The following GJC1 variants were observed in gnomAD, a reference collection of about 807,000 sequenced individuals.
GJC1 encodes the protein gap junction gamma-1 protein.
Under a neutral mutation model 29.3 loss-of-function variants are expected in GJC1, and 5 were observed. The ratio of observed to expected loss-of-function variants is 0.17; its 90% CI spans 0.09 to 0.36. The LOEUF (loss-of-function observed/expected upper bound fraction) is 0.36. Ranked by LOEUF, GJC1 falls within the 10% of genes least tolerant of loss-of-function variation. GJC1 has a pLI of 1.00. For missense variants in GJC1, 310 were observed against 496.2 expected, an observed-to-expected ratio of 0.62 and a Z score of 3.56; for synonymous variants, 177 against 183.3, an observed-to-expected ratio of 0.97 and a Z score of 0.28.
intron 1 of GJC1, among the ~76,000 whole-genome samples, chr17:44,826,924 C>T (rs1231452476): frequency 6.6e-6 from 1 of 152,176 alleles, no homozygotes; most frequent in Non-Finnish European, 1.5e-5. Flanking sequence ...ATATTAACAG[C>T]TCAGAACTGT....
At chr17:44,817,520 G>A (rs1405584916) in intron 1 of GJC1, among the ~76,000 whole-genome samples, 1 of 151,674 alleles carries the variant, frequency 6.6e-6, no homozygotes, top group Non-Finnish European at 1.5e-5. Flanking sequence ...AGACCAGCCT[G>A]ACCAAGATGG....
In GJC1 at chr17:44,804,521, T is replaced by C; in HGVS notation, c.*106A>G. On this transcript the variant is annotated 3_prime_UTR_variant, in exon 3 of 3. Coordinates refer to ENST00000592524, the MANE Select transcript of GJC1 (RefSeq NM_005497.4). The stretch of plus-strand genomic sequence containing the variant: ...GAGCTTGGATCATGAGCCAACAGCA[T>C]CCCTGAAGATAACCAGAGCCAAATG... The C allele has an allele frequency of 1.1e-6, 1 of 895,966 alleles. No homozygotes were observed. Among genetic ancestry groups the C allele is most frequent in the Non-Finnish European group, 1.7e-6 (1 of 572,776 alleles). The allele number at this position is 895,966 out of a possible 1,614,324, so 55.5% of individuals were successfully genotyped here. A position where few individuals can be genotyped will look rare whatever the true frequency, so the allele number is the denominator to read the frequency against.
At chr17:44,809,015 G>A (rs982432639) in intron 1 of GJC1, among the ~76,000 whole-genome samples, 10 of 152,204 alleles carry the variant, frequency 6.6e-5, no homozygotes, top group Non-Finnish European at 1.5e-4. Context: ...GGGAGGTGGA[G>A]GTTGCGGTGA....
At chr17:44,810,594 C>T (rs1032342353) in intron 1 of GJC1, among the ~76,000 whole-genome samples, 1 of 152,080 alleles carries the variant, frequency 6.6e-6, no homozygotes, top group Admixed American at 6.6e-5. Flanking sequence ...ACGGTCTATG[C>T]TCTTGACCAC....
Position 44,804,441 on chromosome 17 carries a change from G to C in GJC1, c.*186C>G, listed in dbSNP as rs1236199529. 5.2e-6 allele frequency: 3 copies of C among 575,776 alleles called. No individual in the cohort carries two copies. The highest frequency in any genetic ancestry group is 9.2e-6 in the Non-Finnish European group (3 of 324,838). The allele number at this position is 575,776 out of a possible 1,614,324, so 35.7% of individuals were successfully genotyped here. A position where few individuals can be genotyped will look rare whatever the true frequency, so the allele number is the denominator to read the frequency against. ...ATTATTGCTAAGAACATGTGCCTGG[G>C]AACACTGTGTTTCCCTTTCTCTCCC... On this transcript the variant is annotated 3_prime_UTR_variant, in exon 3 of 3. Transcript: ENST00000592524.
rs1032273714 is a variant in GJC1 at position 44,799,784 on chromosome 17, G to T, written c.*4843C>A. The T allele has an allele frequency of 2.6e-5, 4 of 152,188 alleles. No individual in the cohort carries two copies. Among genetic ancestry groups the T allele is most frequent in the Non-Finnish European group, 5.9e-5 (4 of 68,100 alleles). The allele number at this position is 152,188 out of a possible 1,614,324, so 9.4% of individuals were successfully genotyped here. On this transcript the variant is annotated 3_prime_UTR_variant, in exon 3 of 3. Coordinates refer to ENST00000592524, the MANE Select transcript of GJC1 (RefSeq NM_005497.4). ...AAAATACAAAAATTAGCCAGGTGTG[G>T]TGGTGAGCACTTGCAGACCAGCTAC...
chr17:44,809,079 TCAAAA>T (rs1004414864), intron 1 of GJC1, among the ~76,000 whole-genome samples: 36 of 150,392 alleles, frequency 2.4e-4, no homozygotes, highest in Middle Eastern at 3.5e-3. Flanking sequence ...AAACTCCATC[TCAAAA>T]CAAAACAAAA....
chr17:44,824,301 C>T (rs781721241), intron 1 of GJC1, among the ~76,000 whole-genome samples: 1 of 152,096 alleles, frequency 6.6e-6, no homozygotes, highest in Non-Finnish European at 1.5e-5. Flanking sequence ...CCACCGCACC[C>T]GGCCTCTTTT....
chr17:44,829,704 G>C (rs898486043), intron 1 of GJC1: 6 of 152,146 alleles, frequency 3.9e-5, no homozygotes, highest in East Asian at 2.0e-4. Flanking sequence ...CGGCACCGCC[G>C]GGGCGCCGCC....
rs1450123974 is a variant in GJC1, at chr17:44,804,741, T to C, written c.1077A>G (p.Gln359=). The C allele has an allele frequency of 2.5e-6, 4 of 1,614,064 alleles. No individual in the cohort carries two copies. The highest frequency in any genetic ancestry group is 2.2e-5 in the South Asian group (2 of 91,084). ...TCTCCCGGGGACCATGAGGGTTGTT[T>C]TGGTGACTGTAGGCCTGAACTGCCA... is the stretch of plus-strand genomic sequence containing the variant. ...LDLAVQAYSH[Q]NNPHGPREKK... is the part of the protein sequence containing the mutation. Residue 359 remains glutamine (Q), a synonymous_variant, in exon 3 of 3, where the codon CAA becomes CAG. Coordinates refer to ENST00000592524, the MANE Select transcript of GJC1 (RefSeq NM_005497.4).
chr17:44,802,279 T>C lies in GJC1; in HGVS notation c.*2348A>G, dbSNP rs548338781. 1 of 152,250 alleles carries C rather than the reference T, an allele frequency of 6.6e-6. No individual in the cohort carries two copies. The highest frequency in any genetic ancestry group is 6.5e-5 in the Admixed American group (1 of 15,268). 9.4% of individuals were successfully genotyped at this position (152,250 alleles called of 1,614,324 possible). On this transcript the variant is annotated 3_prime_UTR_variant, in exon 3 of 3. Coordinates refer to ENST00000592524, the MANE Select transcript of GJC1 (RefSeq NM_005497.4). Reference sequence around the variant, plus strand: ...TGCTTGACTCCTTCCCCCTGTATCATTCTCAAATCCCCAGCCTTTCCACTG... The same window carrying C: ...TGCTTGACTCCTTCCCCCTGTATCACTCTCAAATCCCCAGCCTTTCCACTG...
intron 1 of GJC1, among the ~76,000 whole-genome samples, chr17:44,818,389 T>C (rs529062464): frequency 5.3e-5 from 8 of 152,250 alleles, no homozygotes; most frequent in African/African-American, 1.9e-4. Flanking sequence ...AAAAATGATT[T>C]ATTTATTTAA....
intron 1 of GJC1, among the ~76,000 whole-genome samples, chr17:44,827,994 A>G (rs1002655437): frequency 4.6e-5 from 7 of 152,198 alleles, no homozygotes; most frequent in African/African-American, 1.7e-4. Context: ...AACAAACACT[A>G]AGCATTTGTT....
At chr17:44,827,440 A>G (rs761422254) in intron 1 of GJC1, among the ~76,000 whole-genome samples, 3 of 152,220 alleles carry the variant, frequency 2.0e-5, no homozygotes, top group East Asian at 1.9e-4. Flanking sequence ...CAAGAAAAGC[A>G]TAAGTTCAGA....
chr17:44,805,716 G>A lies in GJC1; in HGVS notation c.102C>T (p.Val34=). 1.9e-6 allele frequency: 3 copies of A among 1,614,066 alleles called. No homozygotes were observed. Among genetic ancestry groups the A allele is most frequent in the Non-Finnish European group, 2.5e-6 (3 of 1,179,912 alleles). ...WLTVLIVFRI[V]LTAVGGESIY... is the part of the protein sequence containing the mutation. Reference sequence around the variant, plus strand: ...TGGATTCTCCTCCTACAGCTGTAAGGACGATCCGGAAGACAATCAGAACAG... The same window carrying A: ...TGGATTCTCCTCCTACAGCTGTAAGAACGATCCGGAAGACAATCAGAACAG... The change falls in exon 3 of 3, where the codon GTC becomes GTT. Residue 34 remains valine (V), a synonymous_variant. Transcript: ENST00000592524. This position sits in a 1 kb window ranked among gnomAD's most constrained non-coding sequence, Gnocchi z 5.1.
rs1416569429 is a variant in GJC1, at chr17:44,803,845, T to C, written c.*782A>G. On this transcript the variant is annotated 3_prime_UTR_variant, in exon 3 of 3. Coordinates refer to ENST00000592524, the MANE Select transcript of GJC1 (RefSeq NM_005497.4). ...ACCAAACTGGGGACACGTTTCTGTA[T>C]CAGGCTTTTGAAAGAACTTTAAGTT... 6.6e-6 allele frequency: 1 copy of C among 152,214 alleles called. No homozygotes were observed. The highest frequency in any genetic ancestry group is 1.9e-4 in the East Asian group (1 of 5,198). 9.4% of individuals were successfully genotyped at this position (152,214 alleles called of 1,614,324 possible). A position where few individuals can be genotyped will look rare whatever the true frequency, so the allele number is the denominator to read the frequency against.
chr17:44,797,040 G>C (rs967396296), downstream of GJC1, among the ~76,000 whole-genome samples: 2 of 152,140 alleles, frequency 1.3e-5, no homozygotes, highest in Admixed American at 1.3e-4. Context: ...TGTAGAGACA[G>C]GGTCTCACTA....
chr17:44,812,525 A>C (rs558389271), intron 1 of GJC1, among the ~76,000 whole-genome samples: 2 of 152,250 alleles, frequency 1.3e-5, no homozygotes, highest in East Asian at 1.9e-4. Context: ...AACACACACA[A>C]AAAAACCCAT....
rs2049876787 is a variant in GJC1 at position 44,803,506 on chromosome 17, G to T, written c.*1121C>A. 6.6e-6 allele frequency: 1 copy of T among 151,470 alleles called. No individual in the cohort carries two copies. The allele number at this position is 151,470 out of a possible 1,614,324, so 9.4% of individuals were successfully genotyped here. On this transcript the variant is annotated 3_prime_UTR_variant, in exon 3 of 3. Transcript: ENST00000592524. ...CAGGCATAAACCTCCACTGGCAGAA[G>T]TAAGAATTTAATCACAAAACTTCTA...
Sources: gnomAD v4.1 joint callset for allele counts (sites outside exome capture counted in the v4.1 genomes callset) on GRCh38, gnomAD v4.1.1 for gene constraint, Gnocchi (gnomAD v3.1) non-coding constraint, MANE v1.5 for transcripts, NCBI Gene and HGNC (gene_info 2026-07-23, HGNC 2026-07-21) for gene names.